Variants in MGAM observed in about 807,000 individuals in gnomAD.
The protein encoded by MGAM is maltase-glucoamylase.
Under a neutral mutation model 358.8 loss-of-function variants are expected in MGAM, and 253 were observed. The ratio of observed to expected loss-of-function variants is 0.71; its 90% CI spans 0.64 to 0.78. The LOEUF (loss-of-function observed/expected upper bound fraction) is 0.78, where lower values mean the gene tolerates loss of function less well. Ranked by LOEUF, MGAM falls within the 30% of genes least tolerant of loss-of-function variation. The pLI is 0.00. For missense variants in MGAM, 3,080 were observed against 3,432.6 expected (o/e 0.90, Z 2.57); for synonymous variants, 1,105 against 1,227.1 (o/e 0.90, Z 2.08).
intron 21 of MGAM, among the ~76,000 whole-genome samples, chr7:142,042,009 A>ATAAT (rs796671101): frequency 0.075 from 1,203 of 16,090 alleles, 102 homozygotes; most frequent in Non-Finnish European, 0.13. Context: ...TTATATATAT[A>ATAAT]ATATAATATA....
chr7:142,103,854 C>G (rs1215921802), intron 70 of MGAM, among the ~76,000 whole-genome samples: 2 of 149,728 alleles, frequency 1.3e-5, no homozygotes, highest in Non-Finnish European at 2.9e-5. Context: ...TTCCTTATCA[C>G]TCAATTTTTT....
chr7:141,991,715 G>A (rs1323064185), upstream of MGAM, among the ~76,000 whole-genome samples: 1 of 152,092 alleles, frequency 6.6e-6, no homozygotes, highest in Non-Finnish European at 1.5e-5. Flanking sequence ...GATTACAGGC[G>A]TGAGCCACCA....
Position 142,084,599 on chromosome 7 carries a change from G to A in MGAM, c.6462G>A (p.Glu2154=). ...GCTATGGCTACCAGAACGACTCTGA[G>A]ATCTCCAGCTTGTATGATGAGATGG... The part of the protein sequence containing the change: ...LCRYGYQNDS[E]ISSLYDEMVA... The change falls in exon 54 of 71, where the codon GAG becomes GAA. Residue 2154 remains glutamate (E), a synonymous_variant. Coordinates refer to ENST00000475668, the MANE Select transcript of MGAM (RefSeq NM_001365693.1). 1 of 1,556,546 alleles carries A rather than the reference G, an allele frequency of 6.4e-7. No individual in the cohort carries two copies. The highest frequency in any genetic ancestry group is 1.7e-4 in the Middle Eastern group (1 of 5,948).
Position 142,027,112 on chromosome 7 carries a change from A to G in MGAM, c.983-3A>G. On this transcript the variant is annotated splice_polypyrimidine_tract_variant and splice_region_variant and intron_variant, in intron 8 of 70. Transcript: ENST00000475668. ...TTATTTTCTTCATTTTTAACCTTTC[A>G]AGAGGTTGTCCTTCAGCCTGCGCCA... 6.2e-7 allele frequency: 1 copy of G among 1,606,060 alleles called. No individual in the cohort carries two copies. The highest frequency in any genetic ancestry group is 8.5e-7 in the Non-Finnish European group (1 of 1,173,074).
intron 21 of MGAM, among the ~76,000 whole-genome samples, chr7:142,043,749 A>G (rs1460491741): frequency 1.3e-5 from 1 of 79,284 alleles, no homozygotes; most frequent in Admixed American, 1.7e-4. Context: ...CATTATATAC[A>G]CATACGACAT....
chr7:142,051,304 A>C (rs1810926362), intron 24 of MGAM, among the ~76,000 whole-genome samples: 1 of 152,074 alleles, frequency 6.6e-6, no homozygotes, highest in South Asian at 2.1e-4. Context: ...ATTCTCAAGC[A>C]GTCTCATATT....
Position 142,094,763 on chromosome 7 carries a change from G to A in MGAM, c.7358G>A (p.Cys2453Tyr). ...TTGTTTCAGACGGGAGCAGATATCT[G>A]TGGGTTCTTTCAAGATGCTGAATAT... ...FGISYTGADI[C>Y]GFFQDAEYEM... The change falls in exon 63 of 71, where the codon TGT becomes TAT. Residue 2453 changes from cysteine (C) to tyrosine (Y), a missense_variant. Physicochemically the swap from Cys to Tyr is radical, Grantham distance 194. Coordinates refer to ENST00000475668, the MANE Select transcript of MGAM (RefSeq NM_001365693.1). 6.2e-7 allele frequency: 1 copy of A among 1,613,794 alleles called. No homozygotes were observed. Among genetic ancestry groups the A allele is most frequent in the Non-Finnish European group, 8.5e-7 (1 of 1,179,860 alleles).
At chr7:142,074,987 C>A (rs1471478754) in intron 45 of MGAM, among the ~76,000 whole-genome samples, 1 of 146,108 alleles carries the variant, frequency 6.8e-6, no homozygotes, top group Non-Finnish European at 1.6e-5. Flanking sequence ...GTACCCTTGA[C>A]CATCATCTCC....
chr7:141,986,887 T>C (rs1803728921), intron 2 of MGAM, among the ~76,000 whole-genome samples: 1 of 152,174 alleles, frequency 6.6e-6, no homozygotes, highest in South Asian at 2.1e-4. Context: ...TCAATGGGGA[T>C]GCCAAACAAT....
At chr7:142,059,401 G>A (rs906314246) in intron 31 of MGAM, 71 bp from the exon 32 acceptor site, 2 of 1,558,100 alleles carry the variant, frequency 1.3e-6, no homozygotes, top group Non-Finnish European at 1.7e-6. Flanking sequence ...CATGGGTGGT[G>A]GAGGGTTGTT....
Position 142,076,734 on chromosome 7 carries a change from C to A in MGAM, c.5401C>A (p.Leu1801Ile), listed in dbSNP as rs1225709857. The A allele has an allele frequency of 6.4e-7, 1 of 1,552,796 alleles. No individual in the cohort carries two copies. Among genetic ancestry groups the A allele is most frequent in the East Asian group, 2.3e-5 (1 of 43,916 alleles). ...NNLAFNEIKI[L>I]GMEEPSNVTV... Reference sequence around the variant, plus strand: ...TTTAGCATTCAATGAGATTAAAATTCTTGGGATGGAGGAACCTAGCAATGT... The same window carrying A: ...TTTAGCATTCAATGAGATTAAAATTATTGGGATGGAGGAACCTAGCAATGT... Residue 1801 changes from leucine (L) to isoleucine (I), a missense_variant, in exon 47 of 71, where the codon CTT (leucine) becomes ATT (isoleucine). Transcript: ENST00000475668.
chr7:142,097,560 C>A, intron 65 of MGAM, 33 bp from the exon 66 acceptor site: 2 of 1,593,698 alleles, frequency 1.3e-6, no homozygotes, highest in Non-Finnish European at 1.7e-6. Context: ...GAAAATGGTG[C>A]CACTGCCACA....
chr7:142,058,544 G>A (rs1811786536), intron 31 of MGAM, among the ~76,000 whole-genome samples: 2 of 152,252 alleles, frequency 1.3e-5, no homozygotes, highest in Admixed American at 1.3e-4. Flanking sequence ...ACTCGCCAGA[G>A]TGGGAGATAG....
intron 68 of MGAM, among the ~76,000 whole-genome samples, chr7:142,102,375 G>A (rs1474646469): frequency 6.6e-6 from 1 of 152,204 alleles, no homozygotes; most frequent in Non-Finnish European, 1.5e-5. Flanking sequence ...AAGTGACTCT[G>A]TCAGACAGAT....
At chr7:142,058,573 T>G (rs1344269191) in intron 31 of MGAM, among the ~76,000 whole-genome samples, 2 of 152,256 alleles carry the variant, frequency 1.3e-5, no homozygotes, top group African/African-American at 4.8e-5. Context: ...CAGGGCTCTT[T>G]CTGCTCTCCC....
intron 22 of MGAM, 114 bp from the exon 23 acceptor site, chr7:142,050,121 A>T: frequency 1.1e-6 from 1 of 937,386 alleles, no homozygotes. Context: ...TCCATAAGGA[A>T]AAGGAAAACT....
At position 142,088,059 on chromosome 7, in the gene MGAM, G is replaced by A. The variant is rs1007506119; in HGVS notation, c.6810+1342G>A. ...GTCCTAGAGGGAAAGGCAGATATTA[G>A]ACAGAACCACACAATCTGGAGCCAG... On this transcript the variant is annotated intron_variant, in intron 57 of 70. Transcript: ENST00000475668. Among the ~76,000 whole-genome samples, 2 of 146,088 alleles carry A rather than the reference G, an allele frequency of 1.4e-5. 1 individual carries two copies. Among genetic ancestry groups the A allele is most frequent in the Non-Finnish European group, 3.1e-5 (2 of 64,550 alleles).
In MGAM at chr7:142,054,762, T is replaced by A. The variant is rs756540037; in HGVS notation, c.3168T>A (p.Asp1056Glu). Residue 1056 changes from aspartate (D) to glutamate (E), a missense_variant, in exon 27 of 71, where the codon GAT becomes GAA. Physicochemically the swap from Asp to Glu is conservative, Grantham distance 45. Coordinates refer to ENST00000475668, the MANE Select transcript of MGAM (RefSeq NM_001365693.1). ...KNEMLQFKIY[D>E]PNKNRYEVPV... ...GATTTCCTCTGGCCTAGATTTATGA[T>A]CCCAACAAGAATCGGTATGAAGTTC... is the stretch of plus-strand genomic sequence containing the variant. 6.2e-7 allele frequency: 1 copy of A among 1,613,844 alleles called. No homozygotes were observed. Among genetic ancestry groups the A allele is most frequent in the Non-Finnish European group, 8.5e-7 (1 of 1,179,784 alleles).
intron 12 of MGAM, among the ~76,000 whole-genome samples, chr7:142,031,120 G>T (rs1313492346): frequency 6.6e-6 from 1 of 152,088 alleles, no homozygotes; most frequent in East Asian, 1.9e-4. Flanking sequence ...AAGTCCAGCG[G>T]AACTGTTTCA....
Sources: allele counts gnomAD v4.1 joint callset (sites outside exome capture counted in the v4.1 genomes callset), GRCh38; gene constraint gnomAD v4.1.1; transcripts MANE v1.5; gene names NCBI Gene and HGNC (gene_info 2026-07-23, HGNC 2026-07-21).